Variants in DAAM1 observed in about 807,000 individuals in gnomAD.
The protein encoded by DAAM1 is disheveled-associated activator of morphogenesis 1.
DAAM1 carries 52 observed loss-of-function variants against 130.0 expected under a neutral mutation model. That is an observed-to-expected ratio of 0.40 (90% CI 0.32 to 0.50). The LOEUF (loss-of-function observed/expected upper bound fraction) is 0.50, where lower values mean the gene tolerates loss of function less well. DAAM1 is among the 20% of genes least tolerant of loss of function. DAAM1 has a pLI of 0.61. For missense variants in DAAM1, 1,134 were observed against 1,303.8 expected (o/e 0.87, Z 2.01); for synonymous variants, 452 against 444.5 (o/e 1.02, Z -0.21).
At chr14:59,357,607 T>C (rs1393669948) in intron 20 of DAAM1, among the ~76,000 whole-genome samples, 1 of 152,094 alleles carries the variant, frequency 6.6e-6, no homozygotes, top group East Asian at 1.9e-4. Flanking sequence ...TGAAACCTCG[T>C]CTCTACTACA....
chr14:59,230,481 A>C (rs1420891867), intron 1 of DAAM1, among the ~76,000 whole-genome samples: 1 of 152,122 alleles, frequency 6.6e-6, no homozygotes, highest in East Asian at 1.9e-4. Flanking sequence ...AAGTTATGTA[A>C]ATATAAAAAG....
chr14:59,304,588 C>A (rs1884304940), intron 3 of DAAM1, among the ~76,000 whole-genome samples: 1 of 152,190 alleles, frequency 6.6e-6, no homozygotes, highest in Non-Finnish European at 1.5e-5. Flanking sequence ...TGTCCCCATA[C>A]ATAAGGAAAA....
intron 3 of DAAM1, among the ~76,000 whole-genome samples, chr14:59,295,921 G>C (rs536618024): frequency 6.6e-6 from 1 of 152,252 alleles, no homozygotes; most frequent in South Asian, 2.1e-4. Flanking sequence ...GATTTCCAGG[G>C]ACCCACTTTG....
chr14:59,289,909 C>T (rs981691481), intron 2 of DAAM1, among the ~76,000 whole-genome samples: 8 of 151,936 alleles, frequency 5.3e-5, no homozygotes, highest in African/African-American at 1.9e-4. Flanking sequence ...CATGTTCTCA[C>T]TTATAAGTAA....
intron 23 of DAAM1, 21 bp downstream of exon 23, chr14:59,363,803 C>A (rs779157885): frequency 6.2e-7 from 1 of 1,612,404 alleles, no homozygotes; most frequent in Admixed American, 1.7e-5. Context: ...CCCTTGTGCA[C>A]TGAGTGTTGT....
intron 1 of DAAM1, among the ~76,000 whole-genome samples, chr14:59,244,591 T>A (rs1266432276): frequency 1.3e-5 from 2 of 152,198 alleles, no homozygotes; most frequent in Admixed American, 1.3e-4. Flanking sequence ...AATGGAAATA[T>A]ACAAATTAGT....
At chr14:59,358,597 C>G (rs982157742) in intron 20 of DAAM1, among the ~76,000 whole-genome samples, 3 of 152,114 alleles carry the variant, frequency 2.0e-5, no homozygotes, top group Non-Finnish European at 4.4e-5. Flanking sequence ...AATCCCAGCA[C>G]TTTGGGAGGC....
chr14:59,288,678 C>T (rs1883569836), intron 2 of DAAM1, among the ~76,000 whole-genome samples: 1 of 152,124 alleles, frequency 6.6e-6, no homozygotes, highest in African/African-American at 2.4e-5. Flanking sequence ...TTTCATACTA[C>T]TGCAAAGAAC....
At chr14:59,206,131 C>A (rs760442223) in intron 1 of DAAM1, among the ~76,000 whole-genome samples, 4 of 151,856 alleles carry the variant, frequency 2.6e-5, no homozygotes, top group African/African-American at 9.7e-5. Context: ...CTGGGATTAC[C>A]AGCATGAGCT....
chr14:59,310,814 A>G (rs1218877519), intron 3 of DAAM1, among the ~76,000 whole-genome samples: 2 of 152,226 alleles, frequency 1.3e-5, no homozygotes, highest in African/African-American at 4.8e-5. Flanking sequence ...GTAACAGCAC[A>G]CATAGAGATT....
In DAAM1 at chr14:59,254,240, G is replaced by A. The variant is rs578169043; in HGVS notation, c.-37-9201G>A. Among the ~76,000 whole-genome samples the A allele has an allele frequency of 2.0e-5, 3 of 150,474 alleles. No homozygotes were observed. The South Asian group carries it at 6.3e-4, about 32-fold the overall frequency. ...GAGTACAGGTGATTGCCGGTATCTTGTAACATACAAGTATTCTTTTCCATG... is the reference window on the plus strand; with the variant it reads ...GAGTACAGGTGATTGCCGGTATCTTATAACATACAAGTATTCTTTTCCATG... On this transcript the variant is annotated intron_variant, in intron 1 of 24. Transcript: ENST00000360909.
At chr14:59,347,756 CA>C in intron 17 of DAAM1, 133 bp downstream of exon 17, 2 of 780,592 alleles carry the variant, frequency 2.6e-6, no homozygotes, top group Admixed American at 2.5e-5. Context: ...ACCAAGTTCC[CA>C]TGTGACTCTG....
chr14:59,262,079 CT>C (rs901638680), intron 1 of DAAM1, among the ~76,000 whole-genome samples: 6 of 151,078 alleles, frequency 4.0e-5, no homozygotes, highest in African/African-American at 1.5e-4. Context: ...AACCTCATCT[CT>C]TTTTTAACCT....
intron 23 of DAAM1, among the ~76,000 whole-genome samples, chr14:59,366,292 T>C (rs1547198): frequency 0.4 from 60,740 of 152,024 alleles, 14,074 homozygotes; most frequent in East Asian, 0.84. Flanking sequence ...TGGAATAAAA[T>C]TGTATTCTCA....
At chr14:59,215,358 G>T (rs1222710027) in intron 1 of DAAM1, among the ~76,000 whole-genome samples, 1 of 152,234 alleles carries the variant, frequency 6.6e-6, no homozygotes, top group Non-Finnish European at 1.5e-5. Flanking sequence ...GCCCAGAATA[G>T]TTCCTTTCAA....
chr14:59,248,416 A>G (rs1881492631), intron 1 of DAAM1, among the ~76,000 whole-genome samples: 1 of 152,106 alleles, frequency 6.6e-6, no homozygotes, highest in South Asian at 2.1e-4. Context: ...TTCAGTAAAG[A>G]TCTTTCTTTG....
intron 1 of DAAM1, among the ~76,000 whole-genome samples, chr14:59,201,546 G>A (rs571145211): frequency 6.6e-6 from 1 of 152,158 alleles, no homozygotes; most frequent in South Asian, 2.1e-4. Flanking sequence ...AACCTGGGAG[G>A]TGGAGGTTGC....
chr14:59,311,121 A>T (rs1170283986), intron 3 of DAAM1, among the ~76,000 whole-genome samples: 1 of 152,202 alleles, frequency 6.6e-6, no homozygotes, highest in Non-Finnish European at 1.5e-5. Flanking sequence ...CACCTATATC[A>T]ACAGAAGACT....
intron 2 of DAAM1, among the ~76,000 whole-genome samples, chr14:59,276,855 G>T (rs1882991085): frequency 6.6e-6 from 1 of 152,092 alleles, no homozygotes; most frequent in South Asian, 2.1e-4. Flanking sequence ...CTAACCTCAA[G>T]GGCCTGTCTT....
Sources: gnomAD v4.1 joint callset for allele counts (sites outside exome capture counted in the v4.1 genomes callset) on GRCh38, gnomAD v4.1.1 for gene constraint, MANE v1.5 for transcripts, NCBI Gene and HGNC (gene_info 2026-07-23, HGNC 2026-07-21) for gene names.